SLC7A2: variants seen among roughly 807,000 people sequenced by gnomAD.
SLC7A2 encodes solute carrier family 7 member 2, also known as cationic amino acid transporter 2.
In SLC7A2, 48 loss-of-function variants were observed where a neutral mutation model predicts 58.9. The observed-to-expected ratio is 0.82, with a 90% confidence interval of 0.65 to 1.04. The LOEUF is 1.04. Among genes scored for constraint, SLC7A2 ranks in the 50% least tolerant of loss-of-function variants. The pLI, the probability that SLC7A2 is intolerant of heterozygous loss-of-function variation, is 0.00. For synonymous variants in SLC7A2, 363 were observed against 314.5 expected (o/e 1.15, Z -1.63); for missense variants, 1,029 against 818.8 (o/e 1.26, Z -3.13).
chr8:17,565,066 T>C lies in SLC7A2; in HGVS notation c.1897T>C (p.Ser633Pro). ...DNVHAAAEEKSAIQANDHHPR... is the reference protein window; with the variant it reads ...DNVHAAAEEKPAIQANDHHPR... The stretch of plus-strand genomic sequence containing the variant: ...CGTTCATGCAGCAGCAGAAGAAAAA[T>C]CTGCCATTCAAGCAAATGACCATCA... The change falls in exon 13 of 13, where the codon TCT (serine) becomes CCT (proline). Residue 633 changes from serine to proline, a missense_variant. Transcript: ENST00000494857. The C allele has an allele frequency of 1.2e-6, 2 of 1,613,746 alleles. No individual in the cohort carries two copies. Among genetic ancestry groups the C allele is most frequent in the Non-Finnish European group, 1.7e-6 (2 of 1,179,906 alleles).
At chr8:17,499,553 G>T (rs759393054) in intron 1 of SLC7A2, among the ~76,000 whole-genome samples, 1 of 150,176 alleles carries the variant, frequency 6.7e-6, no homozygotes, top group Non-Finnish European at 1.5e-5. Flanking sequence ...ATGTAGATAT[G>T]AACACACTGA....
intron 2 of SLC7A2, among the ~76,000 whole-genome samples, chr8:17,513,198 T>A (rs2150671266): frequency 6.6e-6 from 1 of 152,338 alleles, no homozygotes; most frequent in South Asian, 2.1e-4. Flanking sequence ...GGATCATATA[T>A]TAATTCTGTT....
At chr8:17,555,041 A>G in intron 8 of SLC7A2, 2 of 1,614,052 alleles carry the variant, frequency 1.2e-6, no homozygotes, top group Non-Finnish European at 1.7e-6. Flanking sequence ...AGTAAGAGGC[A>G]GTCACCAGTT....
At chr8:17,498,224 T>A (rs2705100) in intron 1 of SLC7A2, among the ~76,000 whole-genome samples, 11,564 of 152,256 alleles carry the variant, frequency 0.076, 588 homozygotes, top group African/African-American at 0.14. Flanking sequence ...ATCCTTTTAA[T>A]GAGAGGATAT....
chr8:17,513,823 G>A (rs1284553678), intron 2 of SLC7A2, among the ~76,000 whole-genome samples: 5 of 151,668 alleles, frequency 3.3e-5, no homozygotes, highest in Admixed American at 2.6e-4. Flanking sequence ...GGAAAGTTTC[G>A]TTCATTCTCA....
rs1323665298 is a variant in SLC7A2 at position 17,551,948 on chromosome 8, T to C, written c.1017T>C (p.Tyr339=). 1.9e-6 allele frequency: 3 copies of C among 1,614,012 alleles called. No individual in the cohort carries two copies. Among genetic ancestry groups the C allele is most frequent in the Admixed American group, 1.7e-5 (1 of 59,994 alleles). ...ATGTGGGATGGGGTCCTGCCAAATA[T>C]GTCGTCGCAGCTGGTTCTCTCTGCG... ...FEYVGWGPAK[Y]VVAAGSLCAL... Residue 339 remains tyrosine, a synonymous_variant, in exon 7 of 13, where the codon TAT becomes TAC. Coordinates refer to ENST00000494857, the MANE Select transcript of SLC7A2 (RefSeq NM_001370338.1).
chr8:17,563,035 C>T lies in SLC7A2; in HGVS notation c.1672-568C>T, dbSNP rs2705020. Among the ~76,000 whole-genome samples, 5 of 152,094 alleles carry T rather than the reference C, an allele frequency of 3.3e-5. No homozygotes were observed. In the South Asian group the frequency reaches 8.3e-4, roughly 25 times the overall value. On this transcript the variant is annotated intron_variant, in intron 11 of 12. Coordinates refer to ENST00000494857, the MANE Select transcript of SLC7A2 (RefSeq NM_001370338.1). ...GCTCATTCCTGTAGTCCTAGCTAGT[C>T]AGGAGGCTGAAGTGGGAGGATCACT... is the stretch of plus-strand genomic sequence containing the variant.
chr8:17,556,083 T>C (rs1288238461), intron 8 of SLC7A2, among the ~76,000 whole-genome samples: 1 of 152,174 alleles, frequency 6.6e-6, no homozygotes, highest in Non-Finnish European at 1.5e-5. Context: ...AACATTTTCT[T>C]ATAAATCTGG....
intron 2 of SLC7A2, chr8:17,520,864 G>A (rs1392119234): frequency 1.2e-5 from 3 of 248,522 alleles, no homozygotes; most frequent in Admixed American, 6.5e-5. Flanking sequence ...CAATACTGAA[G>A]AAAAAAGATA....
At chr8:17,513,107 G>T (rs1027162544) in intron 2 of SLC7A2, among the ~76,000 whole-genome samples, 1 of 152,178 alleles carries the variant, frequency 6.6e-6, no homozygotes, top group African/African-American at 2.4e-5. Flanking sequence ...GAACGATGCT[G>T]CTGTGAACGT....
intron 9 of SLC7A2, among the ~76,000 whole-genome samples, chr8:17,559,238 G>C (rs1362675938): frequency 6.6e-6 from 1 of 152,150 alleles, no homozygotes; most frequent in African/African-American, 2.4e-5. Context: ...TTCTCGTGCT[G>C]CTAATAAAGA....
chr8:17,555,621 G>A (rs1184953618), intron 8 of SLC7A2, among the ~76,000 whole-genome samples: 1 of 151,840 alleles, frequency 6.6e-6, no homozygotes, highest in Non-Finnish European at 1.5e-5. Context: ...AGTATGGTGG[G>A]CATCCTTGCT....
intron 5 of SLC7A2, among the ~76,000 whole-genome samples, chr8:17,549,199 A>C (rs1449560689): frequency 2.6e-5 from 4 of 152,184 alleles, no homozygotes. Flanking sequence ...GCCACAACAC[A>C]TGGGAACTGT....
At chr8:17,512,607 A>T (rs1800650768) in intron 2 of SLC7A2, among the ~76,000 whole-genome samples, 2 of 120,476 alleles carry the variant, frequency 1.7e-5, no homozygotes, top group South Asian at 2.8e-4. Context: ...AACCTTTCTT[A>T]TCCCTCATGG....
At chr8:17,498,110 C>T (rs1800023199) in intron 1 of SLC7A2, among the ~76,000 whole-genome samples, 1 of 152,140 alleles carries the variant, frequency 6.6e-6, no homozygotes, top group Non-Finnish European at 1.5e-5. Context: ...AAGTACTCAG[C>T]CTCTTCAGAG....
intron 8 of SLC7A2, among the ~76,000 whole-genome samples, chr8:17,557,691 G>C (rs1216600693): frequency 1.3e-5 from 2 of 152,102 alleles, no homozygotes; most frequent in African/African-American, 4.8e-5. Flanking sequence ...AGCCAGGTGT[G>C]GTGGCGCACG....
rs1272603658 is a variant in SLC7A2 at position 17,562,215 on chromosome 8, TG to T, written c.1671+107del. On this transcript the variant is annotated intron_variant, in intron 11 of 12. Coordinates refer to ENST00000494857, the MANE Select transcript of SLC7A2 (RefSeq NM_001370338.1). ...TTTTTTTTTTTTTTTTTTTTTTTTT[TG>T]GAGATGGAATCTCTCTCTTTGTCAC... 8.8e-6 allele frequency: 6 copies of T among 685,470 alleles called. No homozygotes were observed. In the African/African-American group the frequency reaches 1.1e-4, roughly 12 times the overall value. 42.5% of individuals were successfully genotyped at this position (685,470 alleles called of 1,614,324 possible). A position where few individuals can be genotyped will look rare whatever the true frequency, so the allele number is the denominator to read the frequency against.
chr8:17,564,915 TG>T, intron 12 of SLC7A2, 34 bp from the exon 13 acceptor site: 1 of 1,508,150 alleles, frequency 6.6e-7, no homozygotes, highest in Non-Finnish European at 8.9e-7. Context: ...CTGACATACC[TG>T]AAACATTGAT....
Position 17,565,012 on chromosome 8 carries a change from A to G in SLC7A2, c.1843A>G (p.Asn615Asp). ...CCTGGAGGGTCATCTGAGAGATGAA[A>G]ACAATGAAGAAGATGCTTATCCAGA... ...HSLEGHLRDE[N>D]NEEDAYPDNV... Residue 615 changes from asparagine to aspartate, a missense_variant, in exon 13 of 13, where the codon AAC (asparagine) becomes GAC (aspartate). Coordinates refer to ENST00000494857, the MANE Select transcript of SLC7A2 (RefSeq NM_001370338.1). 2 of 1,613,924 alleles carry G rather than the reference A, an allele frequency of 1.2e-6. No individual in the cohort carries two copies. The highest frequency in any genetic ancestry group is 1.1e-5 in the South Asian group (1 of 91,040).
Sources: gnomAD v4.1 joint callset for allele counts (sites outside exome capture counted in the v4.1 genomes callset) on GRCh38, gnomAD v4.1.1 for gene constraint, MANE v1.5 for transcripts, NCBI Gene and HGNC (gene_info 2026-07-23, HGNC 2026-07-21) for gene names.